Variants in PHF8 observed in about 807,000 individuals in gnomAD.
PHF8 encodes histone lysine demethylase PHF8.
Under a neutral mutation model 74.4 loss-of-function variants are expected in PHF8, and 9 were observed. The ratio of observed to expected loss-of-function variants is 0.12; its 90% CI spans 0.07 to 0.21. The LOEUF is 0.21. PHF8 is among the 10% of genes least tolerant of loss of function. The pLI, the probability that PHF8 is intolerant of heterozygous loss-of-function variation, is 1.00. For synonymous variants in PHF8, 311 were observed against 316.6 expected, an observed-to-expected ratio of 0.98 and a Z score of 0.19; for missense variants, 478 against 816.6, an observed-to-expected ratio of 0.59 and a Z score of 5.05.
intron 19 of PHF8, among the ~76,000 whole-genome samples, chrX:53,961,733 CTAAA>C (rs1386230996): frequency 9.0e-6 from 1 of 111,422 alleles, no homozygotes; most frequent in Non-Finnish European, 1.9e-5. Context: ...ACCAAAAAGT[CTAAA>C]TAAGGCAGGG....
chrX:53,965,011 T>C (rs1415509506), intron 18 of PHF8, among the ~76,000 whole-genome samples: 7 of 111,780 alleles, frequency 6.3e-5, no homozygotes, highest in Non-Finnish European at 1.1e-4. Flanking sequence ...ACAATGTGAA[T>C]ATACTTAATA....
intron 19 of PHF8, among the ~76,000 whole-genome samples, chrX:53,945,875 C>T (rs1374803195): frequency 8.9e-6 from 1 of 112,213 alleles, no homozygotes; most frequent in Non-Finnish European, 1.9e-5. Context: ...GTATAAATTA[C>T]TTGATACATA....
chrX:53,949,042 A>AAAAAT (rs1301380255), intron 19 of PHF8, among the ~76,000 whole-genome samples: 4 of 110,000 alleles, frequency 3.6e-5, no homozygotes, highest in African/African-American at 6.6e-5. Context: ...TAAATAAAAT[A>AAAAAT]AAAATAAAAT....
intron 18 of PHF8, among the ~76,000 whole-genome samples, chrX:53,977,815 T>G: frequency 9.3e-6 from 1 of 107,684 alleles, no homozygotes; most frequent in Non-Finnish European, 1.9e-5. Flanking sequence ...CCCGGCTAAT[T>G]TTTTGTATTT....
intron 8 of PHF8, among the ~76,000 whole-genome samples, chrX:54,003,394 T>C (rs187803987): frequency 3.6e-4 from 40 of 111,920 alleles, no homozygotes; most frequent in Admixed American, 3.4e-3. Flanking sequence ...CAGTGGCTCA[T>C]GCCTGTAATC....
chrX:53,986,071 C>G, intron 16 of PHF8, 122 bp from the exon 17 acceptor site: 3 of 648,320 alleles, frequency 4.6e-6, no homozygotes. Context: ...AGACCAAGTA[C>G]TAAGCAGAAT....
chrX:53,938,222 G>A lies in PHF8; in HGVS notation c.*936C>T. 9.5e-7 allele frequency: 1 copy of A among 1,054,134 alleles called. No individual in the cohort carries two copies. The highest frequency in any genetic ancestry group is 1.2e-6 in the Non-Finnish European group (1 of 821,378). 86.9% of individuals were successfully genotyped at this position (1,054,134 alleles called of 1,213,427 possible). A position where few individuals can be genotyped will look rare whatever the true frequency, so the allele number is the denominator to read the frequency against. On this transcript the variant is annotated 3_prime_UTR_variant, in exon 22 of 22. Coordinates refer to ENST00000338154, the MANE Select transcript of PHF8 (RefSeq NM_015107.3). ...TGTCCAGGCTGTGCTCTGTGGTATA[G>A]GCGGAGCAAGCAGGCTGTAGGGCCA...
Position 54,009,577 on chromosome X carries a change from G to C in PHF8, c.946+1545C>G, listed in dbSNP as rs2065946896. Reference sequence around the variant, plus strand: ...AACCAAAAGTGGGCCGGGTGCGGTGGCTCACCCCTGTAATCCCAGCACTTT... The same window carrying C: ...AACCAAAAGTGGGCCGGGTGCGGTGCCTCACCCCTGTAATCCCAGCACTTT... On this transcript the variant is annotated intron_variant, in intron 8 of 21. Coordinates refer to ENST00000338154, the MANE Select transcript of PHF8 (RefSeq NM_015107.3). Among the ~76,000 whole-genome samples, 7 of 109,492 alleles carry C rather than the reference G, an allele frequency of 6.4e-5. No homozygotes were observed. The South Asian group carries it at 2.0e-3, about 31-fold the overall frequency.
chrX:54,014,234 C>A (rs1557107384), intron 7 of PHF8, 143 bp downstream of exon 7: 6 of 485,624 alleles, frequency 1.2e-5, no homozygotes, highest in African/African-American at 2.3e-5. Flanking sequence ...GGATTACAGG[C>A]GTGAGCCACC....
intron 18 of PHF8, among the ~76,000 whole-genome samples, chrX:53,966,831 G>A (rs782256731): frequency 4.6e-5 from 5 of 108,629 alleles, no homozygotes; most frequent in East Asian, 3.0e-4. Flanking sequence ...AGTGAGGAGC[G>A]TCTCTGCCCG....
At chrX:54,042,396 A>T (rs1288553497) in intron 2 of PHF8, among the ~76,000 whole-genome samples, 1 of 109,347 alleles carries the variant, frequency 9.1e-6, no homozygotes, top group Non-Finnish European at 1.9e-5. Flanking sequence ...TTATAAATCT[A>T]AAAAAACACT....
rs782110302 is a variant in PHF8 at position 53,937,942 on chromosome X, G to T, written c.*1216C>A. 262 of 1,087,797 alleles carry T rather than the reference G, an allele frequency of 2.4e-4. 2 individuals carry two copies. In the South Asian group the frequency reaches 5.0e-3, roughly 21 times the overall value. The allele number at this position is 1,087,797 out of a possible 1,213,427, so 89.6% of individuals were successfully genotyped here. ...CAATGGAGACAATCCACGAAGGAAG[G>T]ACAGGGGAAGGGGAGGATCGGATGG... On this transcript the variant is annotated 3_prime_UTR_variant, in exon 22 of 22. Coordinates refer to ENST00000338154, the MANE Select transcript of PHF8 (RefSeq NM_015107.3).
chrX:53,953,643 C>CAAAAAAAAAAAA (rs1208325871), intron 19 of PHF8, among the ~76,000 whole-genome samples: 1 of 39,376 alleles, frequency 2.5e-5, no homozygotes, highest in Non-Finnish European at 4.2e-5. Flanking sequence ...CACTCTGTCT[C>CAAAAAAAAAAAA]AAAAAAAAAA....
At chrX:53,966,025 C>CA (rs782415509) in intron 18 of PHF8, among the ~76,000 whole-genome samples, 1 of 111,166 alleles carries the variant, frequency 9.0e-6, no homozygotes, top group South Asian at 3.8e-4. Context: ...TGACAAAGAA[C>CA]AAAAGGAAAC....
At chrX:53,950,944 T>C (rs1224259237) in intron 19 of PHF8, among the ~76,000 whole-genome samples, 2 of 112,162 alleles carry the variant, frequency 1.8e-5, no homozygotes, top group African/African-American at 6.5e-5. Context: ...GTCCCTGACT[T>C]CCTAGACATA....
intron 2 of PHF8, among the ~76,000 whole-genome samples, chrX:54,042,377 G>C (rs1458526162): frequency 2.1e-5 from 2 of 97,427 alleles, no homozygotes; most frequent in Non-Finnish European, 4.2e-5. Context: ...AGAAAAGGGG[G>C]GGGGGGTCTT....
chrX:54,039,475 G>A (rs1557115286), intron 2 of PHF8, among the ~76,000 whole-genome samples: 2 of 111,923 alleles, frequency 1.8e-5, no homozygotes, highest in African/African-American at 6.5e-5. Context: ...GTTAACTTGT[G>A]TTAGAGTGTA....
At chrX:54,022,234 A>C in intron 4 of PHF8, 25 bp downstream of exon 4, 1 of 915,025 alleles carries the variant, frequency 1.1e-6, no homozygotes, top group African/African-American at 1.9e-5. Flanking sequence ...GGCATTCACC[A>C]GCCACTGGAG....
intron 18 of PHF8, among the ~76,000 whole-genome samples, chrX:53,982,275 C>T (rs1557098225): frequency 3.6e-5 from 4 of 112,581 alleles, no homozygotes; most frequent in Non-Finnish European, 7.5e-5. Context: ...CTCAGGTTCA[C>T]AGCAAGGTCT....
Sources: allele counts gnomAD v4.1 joint callset (sites outside exome capture counted in the v4.1 genomes callset), GRCh38; gene constraint gnomAD v4.1.1; transcripts MANE v1.5; gene names NCBI Gene and HGNC (gene_info 2026-07-23, HGNC 2026-07-21).